CCDC171: variants seen among roughly 807,000 people sequenced by gnomAD.
The protein encoded by CCDC171 is coiled-coil domain containing 171, also known as coiled-coil domain-containing protein 171.
Under a neutral mutation model 168.2 loss-of-function variants are expected in CCDC171, and 177 were observed. The ratio of observed to expected loss-of-function variants is 1.05; its 90% CI spans 0.93 to 1.19. CCDC171 has a LOEUF of 1.19. Ranked by LOEUF, CCDC171 falls within the 50% of genes most tolerant of loss-of-function variation. CCDC171 has a pLI of 0.00. For missense variants in CCDC171, 1,991 were observed against 1,539.0 expected, an observed-to-expected ratio of 1.29 and a Z score of -4.91; for synonymous variants, 687 against 540.8, an observed-to-expected ratio of 1.27 and a Z score of -3.75.
At chr9:15,785,285 A>G (rs2135497755) in intron 21 of CCDC171, among the ~76,000 whole-genome samples, 1 of 152,250 alleles carries the variant, frequency 6.6e-6, no homozygotes, top group South Asian at 2.1e-4. Context: ...CTAGTTTTTG[A>G]TTATAAAACT....
At position 15,951,238 on chromosome 9, in the gene CCDC171, A is replaced by T. The variant is rs542230205; in HGVS notation, c.3754-20371A>T. On this transcript the variant is annotated intron_variant, in intron 25 of 25. Transcript: ENST00000380701. ...AACGAGACAGAAAGTCAACAAGTAT[A>T]CCCAGGAATTGAACTCGGCTCTGCA... Among the ~76,000 whole-genome samples, 24 of 146,718 alleles carry T rather than the reference A, an allele frequency of 1.6e-4. 1 individual carries two copies. The highest frequency in any genetic ancestry group is 4.8e-4 in the African/African-American group (20 of 41,360).
intron 4 of CCDC171, 105 bp downstream of exon 4, chr9:15,579,128 G>C (rs2040916934): frequency 1.1e-6 from 1 of 872,346 alleles, no homozygotes; most frequent in East Asian, 2.9e-5. Context: ...GTAAGATTCT[G>C]ATTCGTTGAC....
intron 5 of CCDC171, among the ~76,000 whole-genome samples, chr9:15,592,752 C>T (rs996046787): frequency 1.3e-5 from 2 of 151,956 alleles, no homozygotes; most frequent in Non-Finnish European, 2.9e-5. Flanking sequence ...GTGATGGTGG[C>T]AGTATTTCTT....
chr9:15,805,346 T>A (rs1381947559), intron 21 of CCDC171, among the ~76,000 whole-genome samples: 1 of 152,152 alleles, frequency 6.6e-6, no homozygotes, highest in Non-Finnish European at 1.5e-5. Flanking sequence ...GGTTGTTGAC[T>A]CGAGACCTTT....
rs758495375 is a variant in CCDC171, at chr9:15,744,683, A to G, written c.2460A>G (p.Ser820=). The change falls in exon 17 of 26, where the codon TCA becomes TCG. Residue 820 remains serine (S), a synonymous_variant. Transcript: ENST00000380701. ...ACAGACTCAAGATTTTGGGCCAATC[A>G]TGTGCCTCTCTTTTTACCTGGATGG... ...AANRLKILGQ[S]CASLFTWMES... 13 of 1,614,158 alleles carry G rather than the reference A, an allele frequency of 8.1e-6. No homozygotes were observed. The highest frequency in any genetic ancestry group is 3.3e-5 in the South Asian group (3 of 91,082).
chr9:15,623,506 C>CACACACACACACACAT (rs768133705), intron 7 of CCDC171, 93 bp downstream of exon 7: 13 of 656,262 alleles, frequency 2.0e-5, no homozygotes, highest in Non-Finnish European at 3.1e-5. Flanking sequence ...CACACACACA[C>CACACACACACACACAT]ATAAAACCCA....
chr9:16,032,437 G>T (rs374669517), intron 6 of CCDC171, among the ~76,000 whole-genome samples: 1 of 152,108 alleles, frequency 6.6e-6, no homozygotes, highest in African/African-American at 2.4e-5. Flanking sequence ...GGCCATGCAC[G>T]AGACGCCAAG....
At chr9:16,099,869 T>C in the CCDC171 span, among the ~76,000 whole-genome samples, 1 of 152,060 alleles carries the variant, frequency 6.6e-6, no homozygotes, top group Non-Finnish European at 1.5e-5. Flanking sequence ...AATATGAAGA[T>C]GGAAAGAAAG....
At chr9:15,869,521 T>G (rs903618075) in intron 23 of CCDC171, among the ~76,000 whole-genome samples, 1 of 146,028 alleles carries the variant, frequency 6.8e-6, no homozygotes, top group Non-Finnish European at 1.5e-5. Context: ...GTGTTTTTTT[T>G]TTGTTTGTTT....
At chr9:15,880,525 C>T (rs1183919) in intron 24 of CCDC171, among the ~76,000 whole-genome samples, 57,335 of 149,062 alleles carry the variant, frequency 0.38, 11,268 homozygotes, top group African/African-American at 0.42. Context: ...GACGTGATCT[C>T]GGCTCATTCC....
chr9:15,710,402 A>T (rs1440295943), intron 11 of CCDC171, among the ~76,000 whole-genome samples: 1 of 151,802 alleles, frequency 6.6e-6, no homozygotes, highest in Non-Finnish European at 1.5e-5. Context: ...TCCCAGGTTC[A>T]TGCCACTCTC....
chr9:15,966,885 G>A (rs1830842929), intron 25 of CCDC171, among the ~76,000 whole-genome samples: 1 of 105,574 alleles, frequency 9.5e-6, no homozygotes, highest in South Asian at 3.1e-4. Flanking sequence ...GATAGCAGAT[G>A]TGTGTGTGTG....
chr9:15,928,367 A>G (rs541123543), intron 25 of CCDC171, among the ~76,000 whole-genome samples: 2 of 151,842 alleles, frequency 1.3e-5, no homozygotes, highest in East Asian at 3.9e-4. Flanking sequence ...AAGCATGGCA[A>G]GCTCAAGGGA....
intron 4 of CCDC171, chr9:15,588,377 G>A: frequency 3.9e-6 from 1 of 254,810 alleles, no homozygotes; most frequent in South Asian, 5.0e-5. Context: ...AAGCCTGAAG[G>A]GGATGCTACA....
intron 21 of CCDC171, among the ~76,000 whole-genome samples, chr9:15,814,035 C>G (rs1277778028): frequency 1.3e-5 from 2 of 152,188 alleles, no homozygotes; most frequent in Non-Finnish European, 2.9e-5. Flanking sequence ...CCCCTTGACA[C>G]TTGTGTGGTT....
At chr9:15,600,740 T>A (rs532955309) in intron 6 of CCDC171, among the ~76,000 whole-genome samples, 82 of 152,124 alleles carry the variant, frequency 5.4e-4, no homozygotes, top group African/African-American at 1.9e-3. Flanking sequence ...AGAGGTGGAG[T>A]CTACAGAGGC....
At chr9:15,647,450 A>G (rs1333401747) in intron 7 of CCDC171, among the ~76,000 whole-genome samples, 4 of 152,202 alleles carry the variant, frequency 2.6e-5, no homozygotes, top group Non-Finnish European at 5.9e-5. Flanking sequence ...AAATCAATGA[A>G]TTTAGCAGCT....
chr9:15,891,378 T>A (rs1266652676), intron 24 of CCDC171, among the ~76,000 whole-genome samples: 1 of 152,164 alleles, frequency 6.6e-6, no homozygotes, highest in African/African-American at 2.4e-5. Flanking sequence ...CTTTTTGCAC[T>A]AACACTACTC....
chr9:15,982,489 G>A (rs866778745), intron 3 of CCDC171, among the ~76,000 whole-genome samples: 3 of 152,098 alleles, frequency 2.0e-5, no homozygotes, highest in Non-Finnish European at 4.4e-5. Context: ...GTTTGATGAT[G>A]AGGCACCAAA....
Sources: gnomAD v4.1 joint callset for allele counts (sites outside exome capture counted in the v4.1 genomes callset) on GRCh38, gnomAD v4.1.1 for gene constraint, MANE v1.5 for transcripts, NCBI Gene and HGNC (gene_info 2026-07-23, HGNC 2026-07-21) for gene names.